The following SH3KBP1 variants were observed in gnomAD, a reference collection of about 807,000 sequenced individuals.
SH3KBP1 encodes the protein SH3 domain-containing kinase-binding protein 1.
SH3KBP1 carries 8 observed loss-of-function variants against 50.1 expected under a neutral mutation model. The observed-to-expected ratio is 0.16, with a 90% confidence interval of 0.09 to 0.29. The LOEUF is 0.29. Among genes scored for constraint, SH3KBP1 ranks in the 10% least tolerant of loss-of-function variants. The pLI, the probability that SH3KBP1 is intolerant of heterozygous loss-of-function variation, is 1.00. For synonymous variants in SH3KBP1, 227 were observed against 218.6 expected, an observed-to-expected ratio of 1.04 and a Z score of -0.34; for missense variants, 377 against 535.2, an observed-to-expected ratio of 0.70 and a Z score of 2.92.
chrX:19,855,315 A>G (rs1046473633), intron 1 of SH3KBP1, among the ~76,000 whole-genome samples: 3 of 112,084 alleles, frequency 2.7e-5, no homozygotes, highest in Non-Finnish European at 5.6e-5. Flanking sequence ...TCAGATAGTA[A>G]GTATTTCAGC....
chrX:19,750,364 T>G (rs1453731992), intron 2 of SH3KBP1, among the ~76,000 whole-genome samples: 6 of 111,758 alleles, frequency 5.4e-5, no homozygotes, highest in African/African-American at 2.0e-4. Flanking sequence ...TAACCACTGT[T>G]TCCTGGAGTA....
At chrX:19,557,238 C>A in intron 13 of SH3KBP1, among the ~76,000 whole-genome samples, 1 of 111,611 alleles carries the variant, frequency 9.0e-6, no homozygotes, top group East Asian at 2.8e-4. Context: ...CTATTTTATT[C>A]AAATGTGTTT....
At chrX:19,737,733 GC>G (rs1380276091) in intron 3 of SH3KBP1, among the ~76,000 whole-genome samples, 3 of 111,760 alleles carry the variant, frequency 2.7e-5, no homozygotes, top group Non-Finnish European at 5.6e-5. Context: ...GGTCCCCTCA[GC>G]CTGCTTTTCA....
At chrX:19,631,249 C>T (rs2061567536) in intron 8 of SH3KBP1, among the ~76,000 whole-genome samples, 1 of 112,863 alleles carries the variant, frequency 8.9e-6, no homozygotes, top group African/African-American at 3.2e-5. Flanking sequence ...CTTTCAACCA[C>T]CTACTTGGTG....
intron 3 of SH3KBP1, among the ~76,000 whole-genome samples, chrX:19,742,097 T>TC (rs967868191): frequency 9.0e-6 from 1 of 111,389 alleles, no homozygotes; most frequent in Non-Finnish European, 1.9e-5. Context: ...AATAATTTTT[T>TC]CTTTTTTTTG....
chrX:19,722,293 A>G (rs973121729), intron 3 of SH3KBP1, among the ~76,000 whole-genome samples: 5 of 111,403 alleles, frequency 4.5e-5, no homozygotes, highest in African/African-American at 1.6e-4. Context: ...GCTGAGCTCA[A>G]TGCCCATGAT....
rs34366083 is a variant in SH3KBP1 at position 19,590,809 on chromosome X, A to ATTT, written c.1138+1255_1138+1257dup. On this transcript the variant is annotated intron_variant, in intron 11 of 17. Coordinates refer to ENST00000397821, the MANE Select transcript of SH3KBP1 (RefSeq NM_031892.3). ...TGGACACAGGCCACCAGGCCTGGCT[A>ATTT]TTTTTTTTTTTTTTTTTTTTTTTTT... Among the ~76,000 whole-genome samples, 70 of 23,759 alleles carry ATTT rather than the reference A, an allele frequency of 2.9e-3. 4 individuals carry two copies. Among genetic ancestry groups the ATTT allele is most frequent in the African/African-American group, 3.2e-3 (17 of 5,328 alleles). 20.6% of individuals were successfully genotyped at this position (23,759 alleles called of 115,157 possible). A position where few individuals can be genotyped will look rare whatever the true frequency, so the allele number is the denominator to read the frequency against.
rs770498296 is a variant in SH3KBP1 at position 19,785,345 on chromosome X, C to T, written c.163-38904G>A. ...CCAACCTAGGCAACATGGTGAAACCCGGTCTCTACAAAAAATACAAAAAAA... is the reference window on the plus strand; with the variant it reads ...CCAACCTAGGCAACATGGTGAAACCTGGTCTCTACAAAAAATACAAAAAAA... On this transcript the variant is annotated intron_variant, in intron 2 of 17. Transcript: ENST00000397821. 1.4e-4 allele frequency among the ~76,000 whole-genome samples: 15 copies of T among 104,938 alleles called. No individual in the cohort carries two copies. The East Asian group carries it at 3.5e-3, about 25-fold the overall frequency. 91.1% of individuals were successfully genotyped at this position (104,938 alleles called of 115,157 possible).
chrX:19,552,432 G>C (rs1452711530), intron 13 of SH3KBP1, among the ~76,000 whole-genome samples: 1 of 110,519 alleles, frequency 9.0e-6, no homozygotes, highest in Non-Finnish European at 1.9e-5. Context: ...CTCGGGAAGA[G>C]GAGAGAGGAC....
chrX:19,578,372 G>T (rs976786530), intron 12 of SH3KBP1, among the ~76,000 whole-genome samples: 1 of 111,551 alleles, frequency 9.0e-6, no homozygotes, highest in Non-Finnish European at 1.9e-5. Context: ...GGGTGCCTGA[G>T]GATACAAGGC....
chrX:19,625,809 C>T (rs1274100475), intron 8 of SH3KBP1, among the ~76,000 whole-genome samples: 1 of 111,851 alleles, frequency 8.9e-6, no homozygotes, highest in Non-Finnish European at 1.9e-5. Context: ...CTCAGCCCCA[C>T]AGGAAACACG....
intron 14 of SH3KBP1, among the ~76,000 whole-genome samples, chrX:19,549,450 A>G (rs1034929490): frequency 2.7e-5 from 3 of 111,523 alleles, no homozygotes; most frequent in Non-Finnish European, 3.8e-5. Flanking sequence ...GAGTGTTCCA[A>G]TCAGTCTCTC....
intron 2 of SH3KBP1, among the ~76,000 whole-genome samples, chrX:19,815,277 G>C (rs2067319224): frequency 9.0e-6 from 1 of 111,455 alleles, no homozygotes; most frequent in South Asian, 3.8e-4. Context: ...ATACTTGTGT[G>C]CTGCCAAGGT....
intron 12 of SH3KBP1, among the ~76,000 whole-genome samples, chrX:19,582,880 T>C: frequency 9.0e-6 from 1 of 111,302 alleles, no homozygotes. Context: ...AAGCCTGCTT[T>C]GGACTGGTCA....
At chrX:19,651,786 G>A (rs184870272) in intron 6 of SH3KBP1, among the ~76,000 whole-genome samples, 1 of 111,778 alleles carries the variant, frequency 8.9e-6, no homozygotes, top group Non-Finnish European at 1.9e-5. Flanking sequence ...CTTGAGCCAG[G>A]AAGTTCAAGA....
chrX:19,783,289 G>A (rs1358866441), intron 2 of SH3KBP1, among the ~76,000 whole-genome samples: 1 of 111,825 alleles, frequency 8.9e-6, no homozygotes. Flanking sequence ...CATAATAATT[G>A]TACATATTTA....
intron 13 of SH3KBP1, among the ~76,000 whole-genome samples, chrX:19,567,951 A>G (rs958453976): frequency 3.6e-5 from 4 of 111,250 alleles, no homozygotes; most frequent in Non-Finnish European, 3.8e-5. Flanking sequence ...AACAACATGG[A>G]TGGAACTGAA....
intron 6 of SH3KBP1, among the ~76,000 whole-genome samples, chrX:19,649,377 A>C (rs2062068946): frequency 9.0e-6 from 1 of 111,294 alleles, no homozygotes; most frequent in Non-Finnish European, 1.9e-5. Context: ...TCTGTGAGGC[A>C]GCTGAAGACT....
intron 8 of SH3KBP1, among the ~76,000 whole-genome samples, chrX:19,621,012 G>GT (rs57010197): frequency 0.039 from 2,688 of 68,648 alleles, 153 homozygotes; most frequent in African/African-American, 0.13. Context: ...GTTCAGGTTG[G>GT]TTTTTTTTTT....
Sources: gnomAD v4.1 joint callset for allele counts (sites outside exome capture counted in the v4.1 genomes callset) on GRCh38, gnomAD v4.1.1 for gene constraint, MANE v1.5 for transcripts, NCBI Gene and HGNC (gene_info 2026-07-23, HGNC 2026-07-21) for gene names.